Variants in SLITRK3 observed in about 807,000 individuals in gnomAD.
The protein encoded by SLITRK3 is SLIT and NTRK like family member 3.
SLITRK3 carries 16 observed loss-of-function variants against 63.6 expected under a neutral mutation model. The observed-to-expected ratio is 0.25, with a 90% CI of 0.17 to 0.38. The LOEUF (loss-of-function observed/expected upper bound fraction) is 0.38, where lower values mean the gene tolerates loss of function less well. Ranked by LOEUF, SLITRK3 falls within the 10% of genes least tolerant of loss-of-function variation. The pLI, the probability that SLITRK3 is intolerant of heterozygous loss-of-function variation, is 1.00. For missense variants in SLITRK3, 1,117 were observed against 1,181.4 expected, an observed-to-expected ratio of 0.95 and a Z score of 0.80; for synonymous variants, 547 against 451.6, an observed-to-expected ratio of 1.21 and a Z score of -2.68.
chr3:165,187,972 G>C lies in SLITRK3; in HGVS notation c.2859C>G (p.Tyr953Ter), dbSNP rs759867601. 1.1e-5 allele frequency: 18 copies of C among 1,613,894 alleles called. No individual in the cohort carries two copies. Among genetic ancestry groups the C allele is most frequent in the Non-Finnish European group, 1.4e-5 (17 of 1,180,022 alleles). Residue 953 changes from tyrosine to a stop codon, truncating the protein, a stop_gained, in exon 2 of 2, where the codon TAC (tyrosine) becomes TAG (stop). Coordinates refer to ENST00000475390, the MANE Select transcript of SLITRK3 (RefSeq NM_001318810.2). LOFTEE classifies it high-confidence loss of function. ...FTDHQTQKSD[Y>*]LELRAKLQTK... ...TTTGAAGTTTGGCCCTTAACTCGAGGTAATCACTTTTTTGGGTTTGGTGGT... is the reference window on the plus strand; with the variant it reads ...TTTGAAGTTTGGCCCTTAACTCGAGCTAATCACTTTTTTGGGTTTGGTGGT...
At position 165,187,405 on chromosome 3, in the gene SLITRK3, T is replaced by C. The variant is rs999643339; in HGVS notation, c.*492A>G. The C allele has an allele frequency of 7.1e-6, 1 of 140,936 alleles. No individual in the cohort carries two copies. Among genetic ancestry groups the C allele is most frequent in the African/African-American group, 2.6e-5 (1 of 38,696 alleles). The allele number at this position is 140,936 out of a possible 1,614,324, so 8.7% of individuals were successfully genotyped here. On this transcript the variant is annotated 3_prime_UTR_variant, in exon 2 of 2. Transcript: ENST00000475390. ...GTTTCCAGGCATGCAGCAAACTGCA[T>C]TGTTAATACATGTACAGAATCTGTG...
At position 165,190,566 on chromosome 3, in the gene SLITRK3, T is replaced by A; in HGVS notation, c.265A>T (p.Met89Leu). The A allele has an allele frequency of 6.2e-7, 1 of 1,613,962 alleles. No homozygotes were observed. The highest frequency in any genetic ancestry group is 8.5e-7 in the Non-Finnish European group (1 of 1,179,992). Residue 89 changes from methionine to leucine, a missense_variant, in exon 2 of 2, where the codon ATG (methionine) becomes TTG (leucine). Coordinates refer to ENST00000475390, the MANE Select transcript of SLITRK3 (RefSeq NM_001318810.2). ...AAACTGTTGGTATATAATTTCCTCA[T>A]AGAATTCCTCTGCAGATACAGTTTA... The part of the protein sequence containing the change: ...PFKLYLQRNS[M>L]RKLYTNSFLH...
At chr3:165,191,531 A>T in intron 1 of SLITRK3, among the ~76,000 whole-genome samples, 1 of 152,220 alleles carries the variant, frequency 6.6e-6, no homozygotes, top group Non-Finnish European at 1.5e-5. Flanking sequence ...GCCCAATAAT[A>T]CATTATTGTC....
chr3:165,190,343 C>A lies in SLITRK3; in HGVS notation c.488G>T (p.Arg163Leu), dbSNP rs778443049. The stretch of plus-strand genomic sequence containing the variant: ...GTTCCGAAATGCCCCACTCTCAATA[C>A]GTTTAATGACATTGTAATCTGCCTG... ...YLQADYNVIK[R>L]IESGAFRNLS... The change falls in exon 2 of 2, where the codon CGT (arginine) becomes CTT (leucine). Residue 163 changes from arginine (R) to leucine (L), a missense_variant. Arg to Leu is a moderately radical substitution (Grantham distance 102). Transcript: ENST00000475390. The A allele has an allele frequency of 4.3e-6, 7 of 1,614,026 alleles. No individual in the cohort carries two copies. Among genetic ancestry groups the A allele is most frequent in the Non-Finnish European group, 5.9e-6 (7 of 1,180,034 alleles).
intron 1 of SLITRK3, among the ~76,000 whole-genome samples, chr3:165,191,122 A>C (rs1373346838): frequency 6.6e-6 from 1 of 152,208 alleles, no homozygotes; most frequent in East Asian, 1.9e-4. Context: ...AGCAGCCTGC[A>C]TTGCCTCTGT....
rs1379587130 is a variant in SLITRK3 at position 165,189,019 on chromosome 3, A to T, written c.1812T>A (p.Thr604=). ...PENLTHRDVR[T]IELEVLCPEM... is the part of the protein sequence containing the mutation. ...CTGGGCAAAGAACTTCCAGCTCAAT[A>T]GTGCGCACATCACGGTGCGTGAGGT... The change falls in exon 2 of 2, where the codon ACT becomes ACA. Residue 604 remains threonine, a synonymous_variant. Coordinates refer to ENST00000475390, the MANE Select transcript of SLITRK3 (RefSeq NM_001318810.2). This position sits in a 1 kb window ranked among gnomAD's most constrained non-coding sequence, Gnocchi z 4.0. 1 of 1,614,158 alleles carries T rather than the reference A, an allele frequency of 6.2e-7. No individual in the cohort carries two copies. Among genetic ancestry groups the T allele is most frequent in the East Asian group, 2.2e-5 (1 of 44,862 alleles).
Position 165,187,853 on chromosome 3 carries a change from T to A in SLITRK3, c.*44A>T. 1.4e-6 allele frequency: 2 copies of A among 1,478,396 alleles called. No individual in the cohort carries two copies. The highest frequency in any genetic ancestry group is 1.8e-6 in the Non-Finnish European group (2 of 1,092,860). 91.6% of individuals were successfully genotyped at this position (1,478,396 alleles called of 1,614,324 possible). A position where few individuals can be genotyped will look rare whatever the true frequency, so the allele number is the denominator to read the frequency against. On this transcript the variant is annotated 3_prime_UTR_variant, in exon 2 of 2. Coordinates refer to ENST00000475390, the MANE Select transcript of SLITRK3 (RefSeq NM_001318810.2). The stretch of plus-strand genomic sequence containing the variant: ...GGGATATATTTCTTTTATTTTCCTT[T>A]TCTTTTGAAAAAAAAAAAGCACTAA...
chr3:165,193,220 G>A lies in SLITRK3; in HGVS notation c.-22+2360C>T, dbSNP rs887846704. Among the ~76,000 whole-genome samples the A allele has an allele frequency of 1.1e-4, 16 of 150,234 alleles. No homozygotes were observed. In the South Asian group the frequency reaches 1.3e-3, roughly 12 times the overall value. On this transcript the variant is annotated intron_variant, in intron 1 of 1. Transcript: ENST00000475390. ...GAGAAGGGGGAGGAGACCAACCTATGGGAAACATTTCTTTGGTGAGGAAGG... is the reference window on the plus strand; with the variant it reads ...GAGAAGGGGGAGGAGACCAACCTATAGGAAACATTTCTTTGGTGAGGAAGG...
Position 165,188,081 on chromosome 3 carries a change from G to T in SLITRK3, c.2750C>A (p.Pro917His), listed in dbSNP as rs1296663294. Residue 917 changes from proline (P) to histidine (H), a missense_variant, in exon 2 of 2, where the codon CCT (proline) becomes CAT (histidine). Coordinates refer to ENST00000475390, the MANE Select transcript of SLITRK3 (RefSeq NM_001318810.2). Reference protein sequence around the residue: ...VPKLKELHVHPPGMQYPDLQQ... With the variant: ...VPKLKELHVHHPGMQYPDLQQ... ...TAAGTCTGGGTATTGCATGCCAGGA[G>T]GGTGCACGTGCAGTTCCTTTAATTT... is the stretch of plus-strand genomic sequence containing the variant. The T allele has an allele frequency of 6.2e-7, 1 of 1,613,808 alleles. No individual in the cohort carries two copies. The highest frequency in any genetic ancestry group is 1.1e-5 in the South Asian group (1 of 91,036).
rs34713758 is a variant in SLITRK3 at position 165,187,211 on chromosome 3, A to AGT, written c.*684_*685dup. 0.17 allele frequency: 23,662 copies of AGT among 141,084 alleles called. 1,888 individuals are homozygous for AGT. Among genetic ancestry groups the AGT allele is most frequent in the Admixed American group, 0.22 (2,990 of 13,892 alleles). 8.7% of individuals were successfully genotyped at this position (141,084 alleles called of 1,614,324 possible). A position where few individuals can be genotyped will look rare whatever the true frequency, so the allele number is the denominator to read the frequency against. On this transcript the variant is annotated 3_prime_UTR_variant, in exon 2 of 2. Coordinates refer to ENST00000475390, the MANE Select transcript of SLITRK3 (RefSeq NM_001318810.2). ...ATTGAGTTGAATGGAAATGGTATGG[A>AGT]GTGTGTGTGTGTGTGTGTGTGTGTG...
chr3:165,186,892 A>G lies in SLITRK3; in HGVS notation c.*1005T>C, dbSNP rs896949376. 2.0e-5 allele frequency: 3 copies of G among 152,496 alleles called. No homozygotes were observed. Among genetic ancestry groups the G allele is most frequent in the Non-Finnish European group, 2.9e-5 (2 of 68,014 alleles). 9.4% of individuals were successfully genotyped at this position (152,496 alleles called of 1,614,324 possible). A position where few individuals can be genotyped will look rare whatever the true frequency, so the allele number is the denominator to read the frequency against. On this transcript the variant is annotated 3_prime_UTR_variant, in exon 2 of 2. Transcript: ENST00000475390. ...AGAAAACATTAAAAGTGCTTCCTACAAAGCTGTTAGTGATATATACCCAGT... is the reference window on the plus strand; with the variant it reads ...AGAAAACATTAAAAGTGCTTCCTACGAAGCTGTTAGTGATATATACCCAGT...
rs1383465980 is a variant in SLITRK3 at position 165,190,447 on chromosome 3, C to T, written c.384G>A (p.Lys128=). Residue 128 remains lysine (K), a synonymous_variant, in exon 2 of 2, where the codon AAG becomes AAA. Transcript: ENST00000475390. ...GTTTGTTTTCATGTAGATATAGTCT[C>T]TTTAAAATCTTAAGACCATTGAAAG... The part of the protein sequence containing the change: ...TGAFNGLKIL[K]RLYLHENKLD... 1 of 1,613,762 alleles carries T rather than the reference C, an allele frequency of 6.2e-7. No homozygotes were observed. The highest frequency in any genetic ancestry group is 8.5e-7 in the Non-Finnish European group (1 of 1,179,978).
At position 165,196,207 on chromosome 3, in the gene SLITRK3, C is replaced by A. The variant is rs1407588712; in HGVS notation, c.-649G>T. 6.8e-6 allele frequency among the ~76,000 whole-genome samples: 1 copy of A among 147,272 alleles called. No homozygotes were observed. The highest frequency in any genetic ancestry group is 2.0e-4 in the East Asian group (1 of 4,948). On this transcript the variant is annotated 5_prime_UTR_variant, in exon 1 of 2. Coordinates refer to ENST00000475390, the MANE Select transcript of SLITRK3 (RefSeq NM_001318810.2). ...AGGCGGAAAGGAGGCAGGAAGGGGG[C>A]GACTAGATCTCAGATCCCAGCATTG... is the stretch of plus-strand genomic sequence containing the variant.
intron 1 of SLITRK3, among the ~76,000 whole-genome samples, chr3:165,192,260 TAC>T (rs1421854387): frequency 1.3e-5 from 2 of 152,204 alleles, no homozygotes; most frequent in South Asian, 2.1e-4. Flanking sequence ...AGAAAGGAGA[TAC>T]CGTGAGAAAG....
At chr3:165,191,638 G>C (rs1718231481) in intron 1 of SLITRK3, among the ~76,000 whole-genome samples, 1 of 152,172 alleles carries the variant, frequency 6.6e-6, no homozygotes, top group Non-Finnish European at 1.5e-5. Context: ...ACATGCCCGT[G>C]CAATTGTCAG....
At chr3:165,193,514 C>T (rs920043073) in intron 1 of SLITRK3, among the ~76,000 whole-genome samples, 1 of 151,964 alleles carries the variant, frequency 6.6e-6, no homozygotes. Context: ...TCTGATTCTG[C>T]CTGGGTGTCC....
chr3:165,194,341 T>A (rs994827474), intron 1 of SLITRK3, among the ~76,000 whole-genome samples: 1 of 152,158 alleles, frequency 6.6e-6, no homozygotes, highest in Non-Finnish European at 1.5e-5. Context: ...CACCTAACAA[T>A]GTGTTCCTTA....
At position 165,188,544 on chromosome 3, in the gene SLITRK3, C is replaced by T. The variant is rs376298782; in HGVS notation, c.2287G>A (p.Glu763Lys). ...TCTTGGGCTGATGAAACAGCCACCT[C>T]CTCCTCCTCACGAGGCTTGTAGATG... ...NPIYKPREEE[E>K]VAVSSAQEAG... Residue 763 changes from glutamate (E) to lysine (K), a missense_variant, in exon 2 of 2, where the codon GAG becomes AAG. Physicochemically the swap from Glu to Lys is moderately conservative, Grantham distance 56 (BLOSUM62 1). Transcript: ENST00000475390. 3.1e-6 allele frequency: 5 copies of T among 1,613,996 alleles called. No homozygotes were observed. The African/African-American group carries it at 6.7e-5, about 22-fold the overall frequency.
upstream of SLITRK3, chr3:165,196,793 AACT>A (rs1316864220): frequency 7.8e-6 from 1 of 128,958 alleles, no homozygotes. Flanking sequence ...CCTCCGCGCC[AACT>A]GTGTAAATCA....
Sources: allele counts gnomAD v4.1 joint callset (sites outside exome capture counted in the v4.1 genomes callset), GRCh38; gene constraint gnomAD v4.1.1; non-coding constraint Gnocchi (gnomAD v3.1); transcripts MANE v1.5; gene names NCBI Gene and HGNC (gene_info 2026-07-23, HGNC 2026-07-21).